GATAD2A: variants seen among roughly 807,000 people sequenced by gnomAD.
GATAD2A encodes the protein transcriptional repressor p66-alpha.
In GATAD2A, 12 loss-of-function variants were observed where a neutral mutation model predicts 68.5. The observed-to-expected ratio is 0.18, with a 90% CI of 0.11 to 0.28. The LOEUF (loss-of-function observed/expected upper bound fraction) is 0.28. GATAD2A is among the 10% of genes least tolerant of loss of function. The pLI is 1.00. For synonymous variants in GATAD2A, 410 were observed against 375.3 expected (o/e 1.09, Z -1.07); for missense variants, 755 against 868.5 (o/e 0.87, Z 1.64).
At chr19:19,495,927 G>C in intron 6 of GATAD2A, 42 bp downstream of exon 6, 1 of 1,599,706 alleles carries the variant, frequency 6.3e-7, no homozygotes, top group South Asian at 1.1e-5. Flanking sequence ...GGCAGCCTCA[G>C]CAGTCGTCTA....
At position 19,502,423 on chromosome 19, in the gene GATAD2A, G is replaced by A. The variant is rs370365800; in HGVS notation, c.1671G>A (p.Ser557=). The change falls in exon 11 of 12, where the codon TCG becomes TCA. Residue 557 remains serine (S), a synonymous_variant. Coordinates refer to ENST00000683918, the MANE Select transcript of GATAD2A (RefSeq NM_001384528.1). ...SPSPKLQNSA[S]ATALVSRTGR... ...CACCCAAACTGCAGAACTCAGCCTC[G>A]GCCACAGCCCTGGTCAGCAGGACCG... The A allele has an allele frequency of 6.2e-6, 10 of 1,613,628 alleles. No individual in the cohort carries two copies. Among genetic ancestry groups the A allele is most frequent in the Admixed American group, 1.7e-5 (1 of 59,994 alleles).
chr19:19,386,715 C>T (rs1288122726), intron 1 of GATAD2A, among the ~76,000 whole-genome samples: 2 of 151,926 alleles, frequency 1.3e-5, no homozygotes, highest in Non-Finnish European at 2.9e-5. Context: ...CCCTGCTTCT[C>T]TGAGGGGACA....
intron 2 of GATAD2A, among the ~76,000 whole-genome samples, chr19:19,481,399 T>G (rs1173857560): frequency 6.6e-6 from 1 of 152,236 alleles, no homozygotes; most frequent in East Asian, 1.9e-4. Context: ...GGTACAGTCA[T>G]AGCTCACTGT....
intron 1 of GATAD2A, among the ~76,000 whole-genome samples, chr19:19,441,931 G>A (rs1364555442): frequency 6.6e-6 from 1 of 151,864 alleles, no homozygotes; most frequent in Admixed American, 6.6e-5. Flanking sequence ...GCACGATCTC[G>A]GCTCACCACA....
intron 1 of GATAD2A, among the ~76,000 whole-genome samples, chr19:19,387,345 A>C (rs1371189641): frequency 6.9e-6 from 1 of 144,642 alleles, no homozygotes; most frequent in Admixed American, 6.9e-5. Context: ...TTTGAGACAG[A>C]GTCTCATTCC....
chr19:19,439,211 T>C (rs2054705125), intron 1 of GATAD2A, among the ~76,000 whole-genome samples: 1 of 152,252 alleles, frequency 6.6e-6, no homozygotes, highest in Non-Finnish European at 1.5e-5. Flanking sequence ...CAGTCTTGCC[T>C]GTTCATGGAC....
intron 1 of GATAD2A, among the ~76,000 whole-genome samples, chr19:19,427,277 T>A (rs1208932902): frequency 1.3e-5 from 2 of 152,292 alleles, no homozygotes; most frequent in East Asian, 3.9e-4. Flanking sequence ...ATGGTTAAGA[T>A]GTAAATTTTG....
intron 1 of GATAD2A, among the ~76,000 whole-genome samples, chr19:19,397,519 C>T (rs748359856): frequency 3.9e-5 from 6 of 151,976 alleles, no homozygotes; most frequent in Admixed American, 2.6e-4. Context: ...GCCTCCGTAC[C>T]GGGCCTTAAA....
chr19:19,472,674 A>C (rs6511037), intron 2 of GATAD2A: 1 of 151,814 alleles, frequency 6.6e-6, no homozygotes, highest in East Asian at 1.9e-4. Context: ...CACGTTGCTC[A>C]GTAAAAATGC....
intron 8 of GATAD2A, among the ~76,000 whole-genome samples, chr19:19,499,528 C>T (rs1253043941): frequency 6.6e-6 from 1 of 151,878 alleles, no homozygotes; most frequent in African/African-American, 2.4e-5. Flanking sequence ...AGAGAAGCAC[C>T]TCCCGCGCAC....
chr19:19,436,206 T>C (rs1243234673), intron 1 of GATAD2A: 2 of 1,363,836 alleles, frequency 1.5e-6, no homozygotes, highest in East Asian at 9.1e-5. Flanking sequence ...CAGCACCCCA[T>C]ACCCCGAAGC....
chr19:19,436,195 C>A (rs1337904276), intron 1 of GATAD2A: 1 of 1,365,876 alleles, frequency 7.3e-7, no homozygotes, highest in East Asian at 4.6e-5. Context: ...ACTGGTAGGA[C>A]CAGCACCCCA....
chr19:19,502,791 C>G (rs1171551364), intron 11 of GATAD2A, among the ~76,000 whole-genome samples: 1 of 152,260 alleles, frequency 6.6e-6, no homozygotes, highest in Non-Finnish European at 1.5e-5. Context: ...CCAGGCCTGG[C>G]TCAGAGGGTG....
In GATAD2A at chr19:19,474,216, A is replaced by AG. The variant is rs1303392962; in HGVS notation, c.269+8605dup. 10 of 961,826 alleles carry AG rather than the reference A, an allele frequency of 1.0e-5. No homozygotes were observed. In the East Asian group the frequency reaches 1.0e-3, roughly 99 times the overall value. The allele number at this position is 961,826 out of a possible 1,614,324, so 59.6% of individuals were successfully genotyped here. A position where few individuals can be genotyped will look rare whatever the true frequency, so the allele number is the denominator to read the frequency against. On this transcript the variant is annotated intron_variant, in intron 2 of 11. Transcript: ENST00000683918. ...ATGCTTTTTACAGGGAAGGGAGAGG[A>AG]GGGTGAGGTCGACACTGGAATTGCC...
chr19:19,500,958 G>A (rs1005481078), intron 8 of GATAD2A, among the ~76,000 whole-genome samples, 160 bp from the exon 9 acceptor site: 3 of 152,234 alleles, frequency 2.0e-5, no homozygotes, highest in Admixed American at 2.0e-4. Context: ...GCTGTTCGGC[G>A]TTGGCCGGCC....
At chr19:19,491,957 C>T (rs1219970603) in intron 2 of GATAD2A, among the ~76,000 whole-genome samples, 3 of 152,184 alleles carry the variant, frequency 2.0e-5, no homozygotes, top group East Asian at 1.9e-4. Context: ...GATCCCGAGC[C>T]GAGTGTTTAC....
chr19:19,398,191 C>T (rs1268343492), intron 1 of GATAD2A, among the ~76,000 whole-genome samples: 1 of 150,510 alleles, frequency 6.6e-6, no homozygotes, highest in Admixed American at 6.6e-5. Context: ...GCGTGACCCA[C>T]TGCTAACCGC....
chr19:19,392,409 TC>T (rs1206095160), intron 1 of GATAD2A, among the ~76,000 whole-genome samples: 3 of 147,986 alleles, frequency 2.0e-5, no homozygotes, highest in African/African-American at 5.0e-5. Context: ...TTTTTTTTTT[TC>T]CAGACAGAGT....
At chr19:19,445,056 T>C (rs1314505129) in intron 1 of GATAD2A, among the ~76,000 whole-genome samples, 2 of 152,052 alleles carry the variant, frequency 1.3e-5, no homozygotes, top group Non-Finnish European at 1.5e-5. Flanking sequence ...CCCTTATGTG[T>C]CCCACATTCT....
Sources: allele counts gnomAD v4.1 joint callset (sites outside exome capture counted in the v4.1 genomes callset), GRCh38; gene constraint gnomAD v4.1.1; transcripts MANE v1.5; gene names NCBI Gene and HGNC (gene_info 2026-07-23, HGNC 2026-07-21).